Variants in KIR3DL3 observed in about 807,000 individuals in gnomAD.
The protein encoded by KIR3DL3 is killer cell immunoglobulin-like receptor 3DL3.
In KIR3DL3, 27 loss-of-function variants were observed where a neutral mutation model predicts 34.9. That is an observed-to-expected ratio of 0.77 (90% CI 0.57 to 1.07). The LOEUF is 1.07. Ranked by LOEUF, KIR3DL3 falls within the 50% of genes least tolerant of loss-of-function variation. The pLI is 0.00. For missense variants in KIR3DL3, 681 were observed against 528.5 expected, an observed-to-expected ratio of 1.29 and a Z score of -2.83; for synonymous variants, 217 against 200.2, an observed-to-expected ratio of 1.08 and a Z score of -0.71.
chr19:54,725,263 G>C lies in KIR3DL3; in HGVS notation c.51G>C (p.Glu17Asp). The C allele has an allele frequency of 6.3e-7, 1 of 1,594,656 alleles. No individual in the cohort carries two copies. The highest frequency in any genetic ancestry group is 1.1e-5 in the South Asian group (1 of 87,464). The stretch of plus-strand genomic sequence containing the variant: ...TCTTTCCAGGGTTCTTCTTGCTGGA[G>C]GGGCCCTGGCCACATGTGGGTGAGT... ...SMACVGFFLL[E>D]GPWPHVGGQD... Residue 17 changes from glutamate to aspartate, a missense_variant, in exon 2 of 8, where the codon GAG (glutamate) becomes GAC (aspartate). By Grantham distance (45) the Glu-to-Asp change is conservative. Coordinates refer to ENST00000291860, the MANE Select transcript of KIR3DL3 (RefSeq NM_153443.5).
chr19:54,731,905 T>A (rs2068836081), intron 5 of KIR3DL3, among the ~76,000 whole-genome samples: 1 of 152,154 alleles, frequency 6.6e-6, no homozygotes, highest in South Asian at 2.1e-4. Flanking sequence ...GTCACCAAGA[T>A]AATCCATCTC....
In KIR3DL3 at chr19:54,726,178, A is replaced by T; in HGVS notation, c.196A>T (p.Met66Leu). The change falls in exon 3 of 8, where the codon ATG becomes TTG. Residue 66 changes from methionine to leucine, a missense_variant. Transcript: ENST00000291860. ...ATTCAGTCTGTCCAAAGAAGACGGG[A>T]TGCCTGTCCCTGAGCTCTACAACAG... ...NEFSLSKEDG[M>L]PVPELYNRIF... 2 of 1,613,306 alleles carry T rather than the reference A, an allele frequency of 1.2e-6. No individual in the cohort carries two copies.
chr19:54,735,172 CT>C, intron 5 of KIR3DL3, 80 bp from the exon 6 acceptor site: 2 of 1,111,008 alleles, frequency 1.8e-6, no homozygotes, highest in Non-Finnish European at 2.7e-6. Flanking sequence ...ATGTGGTTAC[CT>C]GTCAATCAAG....
intron 6 of KIR3DL3, 111 bp downstream of exon 6, chr19:54,735,468 G>C (rs1415546695): frequency 3.2e-5 from 20 of 628,574 alleles, no homozygotes; most frequent in African/African-American, 1.0e-4. Flanking sequence ...CCCAAGGCAG[G>C]AGCCACAGAG....
intron 3 of KIR3DL3, 121 bp from the exon 4 acceptor site, chr19:54,727,490 C>A: frequency 1.1e-6 from 1 of 888,960 alleles, no homozygotes; most frequent in Non-Finnish European, 1.7e-6. Flanking sequence ...CAAAAGAACA[C>A]GGAGACACAG....
Position 54,735,334 on chromosome 19 carries a change from A to G in KIR3DL3, c.1031A>G (p.His344Arg), listed in dbSNP as rs370579489. 4.9e-6 allele frequency: 7 copies of G among 1,436,180 alleles called. No individual in the cohort carries two copies. Among genetic ancestry groups the G allele is most frequent in the African/African-American group, 1.4e-5 (1 of 69,004 alleles). 89.0% of individuals were successfully genotyped at this position (1,436,180 alleles called of 1,614,324 possible). Residue 344 changes from histidine to arginine, a missense_variant, in exon 6 of 8, where the codon CAT becomes CGT. By Grantham distance (29) the His-to-Arg change is conservative. Transcript: ENST00000291860. Reference sequence around the variant, plus strand: ...GCTATCCTCCTCTTCTTTCTCCTTCATCGCTGGTGTGCCAACAAAAAGAGT... The same window carrying G: ...GCTATCCTCCTCTTCTTTCTCCTTCGTCGCTGGTGTGCCAACAAAAAGAGT... Reference protein sequence around the residue: ...PFAILLFFLLHRWCANKKNAV... With the variant: ...PFAILLFFLLRRWCANKKNAV...
chr19:54,726,259 T>G lies in KIR3DL3; in HGVS notation c.277T>G (p.Tyr93Asp). ...TGTGACCCCAGCACATGCAGGGACC[T>G]ACAGATGTTGCAGTTCACACCCACA... ...GPVTPAHAGTYRCCSSHPHSP... is the reference protein window; with the variant it reads ...GPVTPAHAGTDRCCSSHPHSP... Residue 93 changes from tyrosine (Y) to aspartate (D), a missense_variant, in exon 3 of 8, where the codon TAC becomes GAC. By Grantham distance (160) the Tyr-to-Asp change is radical. Coordinates refer to ENST00000291860, the MANE Select transcript of KIR3DL3 (RefSeq NM_153443.5). 1 of 1,613,920 alleles carries G rather than the reference T, an allele frequency of 6.2e-7. No individual in the cohort carries two copies. The highest frequency in any genetic ancestry group is 8.5e-7 in the Non-Finnish European group (1 of 1,179,982).
In KIR3DL3 at chr19:54,735,856, G is replaced by C; in HGVS notation, c.1091G>C (p.Arg364Thr). 3 of 1,607,464 alleles carry C rather than the reference G, an allele frequency of 1.9e-6. No individual in the cohort carries two copies. The highest frequency in any genetic ancestry group is 2.5e-6 in the Non-Finnish European group (3 of 1,178,194). Reference sequence around the variant, plus strand: ...ATGGACCAAGAGCCTGCAGGGAACAGAACAGTGAACAGGGAGGTAGGTGCT... The same window carrying C: ...ATGGACCAAGAGCCTGCAGGGAACACAACAGTGAACAGGGAGGTAGGTGCT... ...VVMDQEPAGN[R>T]TVNREDSDEQ... The change falls in exon 7 of 8, where the codon AGA (arginine) becomes ACA (threonine). Residue 364 changes from arginine to threonine, a missense_variant. Transcript: ENST00000291860.
intron 4 of KIR3DL3, among the ~76,000 whole-genome samples, 166 bp downstream of exon 4, chr19:54,728,076 G>A (rs2068399411): frequency 6.6e-6 from 1 of 151,978 alleles, no homozygotes; most frequent in African/African-American, 2.4e-5. Flanking sequence ...GGAGACACAA[G>A]TACAGACCTC....
intron 4 of KIR3DL3, among the ~76,000 whole-genome samples, chr19:54,728,146 GA>G (rs1219355314): frequency 2.0e-5 from 3 of 151,512 alleles, no homozygotes; most frequent in African/African-American, 7.3e-5. Context: ...AAGAGATAAA[GA>G]GGTAAAGAAG....
intron 5 of KIR3DL3, among the ~76,000 whole-genome samples, chr19:54,733,154 T>G (rs1214515811): frequency 1.3e-5 from 2 of 152,162 alleles, no homozygotes; most frequent in African/African-American, 4.8e-5. Flanking sequence ...TTCTGAGATG[T>G]GTTTTTTTTC....
At chr19:54,735,897 G>A (rs675391) in intron 7 of KIR3DL3, 25 bp downstream of exon 7, 427,960 of 1,516,870 alleles carry the variant, frequency 0.28, 70,538 homozygotes, top group South Asian at 0.41. Flanking sequence ...GCCCAGCCTC[G>A]TGGCTAGTCT....
intron 6 of KIR3DL3, 131 bp downstream of exon 6, chr19:54,735,488 T>A: frequency 1.6e-6 from 1 of 609,282 alleles, no homozygotes; most frequent in South Asian, 1.9e-5. Flanking sequence ...GGCAGGACTT[T>A]CTAGAGAGAG....
In KIR3DL3 at chr19:54,735,302, C is replaced by T; in HGVS notation, c.999C>T (p.Ile333=). Residue 333 remains isoleucine (I), a synonymous_variant, in exon 6 of 8, where the codon ATC becomes ATT. Transcript: ENST00000291860. ...TGATTGGGACCTCAGTGGTCATCAT[C>T]CCCTTTGCTATCCTCCTCTTCTTTC... ...HVLIGTSVVI[I]PFAILLFFLL... The T allele has an allele frequency of 6.6e-7, 1 of 1,519,388 alleles. No individual in the cohort carries two copies. 94.1% of individuals were successfully genotyped at this position (1,519,388 alleles called of 1,614,324 possible). A position where few individuals can be genotyped will look rare whatever the true frequency, so the allele number is the denominator to read the frequency against.
At chr19:54,731,257 C>T (rs1435922539) in intron 5 of KIR3DL3, among the ~76,000 whole-genome samples, 2 of 152,086 alleles carry the variant, frequency 1.3e-5, no homozygotes, top group African/African-American at 4.8e-5. Context: ...CTACCCACCT[C>T]GGCCTCCCAA....
Position 54,729,549 on chromosome 19 carries a change from G to T in KIR3DL3, c.712G>T (p.Glu238Ter), listed in dbSNP as rs2068576685. 1.2e-6 allele frequency: 2 copies of T among 1,607,308 alleles called. No individual in the cohort carries two copies. Among genetic ancestry groups the T allele is most frequent in the Admixed American group, 3.4e-5 (2 of 59,008 alleles). Reference sequence around the variant, plus strand: ...GCCGGGCCCCACGGTTCAGGCAGGAGAGAATGTGACCTTGTCCTGCAGCTC... The same window carrying T: ...GCCGGGCCCCACGGTTCAGGCAGGATAGAATGTGACCTTGTCCTGCAGCTC... ...AQPGPTVQAG[E>*]NVTLSCSSRS... Residue 238 changes from glutamate (E) to a stop codon, truncating the protein, a stop_gained, in exon 5 of 8, where the codon GAG becomes TAG. Coordinates refer to ENST00000291860, the MANE Select transcript of KIR3DL3 (RefSeq NM_153443.5). LOFTEE classifies it high-confidence loss of function.
At chr19:54,735,054 A>C (rs1351226299) in intron 5 of KIR3DL3, among the ~76,000 whole-genome samples, 199 bp from the exon 6 acceptor site, 40 of 143,358 alleles carry the variant, frequency 2.8e-4, no homozygotes, top group African/African-American at 6.7e-4. Flanking sequence ...TCAAACATCT[A>C]AACTAAAGCA....
chr19:54,734,689 ATG>A (rs2069245326), intron 5 of KIR3DL3, among the ~76,000 whole-genome samples: 1 of 100,778 alleles, frequency 9.9e-6, no homozygotes, highest in South Asian at 4.5e-4. Flanking sequence ...AAGACAAGAA[ATG>A]TGTTTGCCTC....
intron 5 of KIR3DL3, among the ~76,000 whole-genome samples, chr19:54,730,529 A>C (rs1168294176): frequency 6.6e-6 from 1 of 151,592 alleles, no homozygotes; most frequent in Non-Finnish European, 1.5e-5. Context: ...AGCTGAGATC[A>C]TGCCACTGCA....
Sources: allele counts gnomAD v4.1 joint callset (sites outside exome capture counted in the v4.1 genomes callset), GRCh38; gene constraint gnomAD v4.1.1; transcripts MANE v1.5; gene names NCBI Gene and HGNC (gene_info 2026-07-23, HGNC 2026-07-21).